Variants in MSRA observed in about 807,000 individuals in gnomAD.
The protein encoded by MSRA is mitochondrial peptide methionine sulfoxide reductase.
In MSRA, 54 loss-of-function variants were observed where a neutral mutation model predicts 31.3. The observed-to-expected ratio is 1.73, with a 90% confidence interval of 1.39 to 2.17. MSRA has a LOEUF of 2.17. Ranked by LOEUF, MSRA falls within the 30% of genes most tolerant of loss-of-function variation. MSRA has a pLI of 0.00. For synonymous variants in MSRA, 169 were observed against 116.5 expected (o/e 1.45, Z -2.90); for missense variants, 507 against 300.9 (o/e 1.69, Z -5.07).
At chr8:10,109,337 CTTTTCT>C (rs1290862174) in intron 1 of MSRA, among the ~76,000 whole-genome samples, 2 of 148,882 alleles carry the variant, frequency 1.3e-5, no homozygotes, top group African/African-American at 5.1e-5. Context: ...CTTTTCTTTT[CTTTTCT>C]TTTTTTTTTT....
chr8:10,131,523 G>T (rs1043156081), intron 1 of MSRA, among the ~76,000 whole-genome samples: 1 of 152,220 alleles, frequency 6.6e-6, no homozygotes, highest in Non-Finnish European at 1.5e-5. Context: ...TAGCAGGTTC[G>T]TAGGTGTACA....
In MSRA at chr8:10,054,666, C is replaced by G. The variant is rs559735710; in HGVS notation, c.142+8C>G. ...AACAGACCCCTGTAGCGGGTAAGCA[C>G]TGGCCACACGGAAGGCGCGGGCGGC... On this transcript the variant is annotated splice_region_variant and intron_variant, in intron 1 of 5. Transcript: ENST00000317173. 1 of 1,522,668 alleles carries G rather than the reference C, an allele frequency of 6.6e-7. No homozygotes were observed. Among genetic ancestry groups the G allele is most frequent in the Admixed American group, 2.0e-5 (1 of 49,190 alleles). 94.3% of individuals were successfully genotyped at this position (1,522,668 alleles called of 1,614,324 possible). A position where few individuals can be genotyped will look rare whatever the true frequency, so the allele number is the denominator to read the frequency against.
intron 1 of MSRA, among the ~76,000 whole-genome samples, chr8:10,178,488 A>G (rs1415004470): frequency 2.0e-5 from 3 of 152,186 alleles, no homozygotes; most frequent in Admixed American, 6.5e-5. Flanking sequence ...AAAGTAATTG[A>G]AAAAAACTGC....
At chr8:10,145,478 G>A (rs1051437740) in intron 1 of MSRA, among the ~76,000 whole-genome samples, 7 of 152,144 alleles carry the variant, frequency 4.6e-5, no homozygotes, top group African/African-American at 1.7e-4. Context: ...TTTTTAGGTT[G>A]CTTGCCGCCT....
chr8:10,195,871 T>C (rs987264065), intron 1 of MSRA, among the ~76,000 whole-genome samples: 1 of 152,202 alleles, frequency 6.6e-6, no homozygotes. Flanking sequence ...CACGAACGAA[T>C]AGCAGCCAGA....
At chr8:10,341,356 G>C (rs1048501349) in intron 5 of MSRA, among the ~76,000 whole-genome samples, 2 of 152,080 alleles carry the variant, frequency 1.3e-5, no homozygotes, top group African/African-American at 4.8e-5. Flanking sequence ...GAGAGAGTTG[G>C]GGGGAGGTGC....
intron 5 of MSRA, among the ~76,000 whole-genome samples, chr8:10,427,558 C>T (rs138626877): frequency 1.0e-3 from 156 of 152,286 alleles, no homozygotes; most frequent in Non-Finnish European, 1.8e-3. Context: ...CAGGACGTGC[C>T]AGCAGGGTCC....
At chr8:10,212,144 G>A (rs947613234) in intron 2 of MSRA, among the ~76,000 whole-genome samples, 18 of 151,478 alleles carry the variant, frequency 1.2e-4, no homozygotes, top group Non-Finnish European at 1.5e-4. Context: ...CCGAGATCGC[G>A]CCACTGCACT....
intron 3 of MSRA, 147 bp downstream of exon 3, chr8:10,245,370 C>G (rs974193044): frequency 1.3e-6 from 1 of 746,414 alleles, no homozygotes; most frequent in Non-Finnish European, 2.1e-6. Flanking sequence ...TACTTGTGAG[C>G]TTCTCACTTT....
intron 5 of MSRA, among the ~76,000 whole-genome samples, chr8:10,371,082 C>T (rs1274119059): frequency 6.6e-6 from 1 of 152,192 alleles, no homozygotes; most frequent in African/African-American, 2.4e-5. Flanking sequence ...ACCCACTGCA[C>T]CCCTGCCGCA....
At chr8:10,252,552 C>G (rs1201661520) in intron 3 of MSRA, among the ~76,000 whole-genome samples, 2 of 152,178 alleles carry the variant, frequency 1.3e-5, no homozygotes, top group Non-Finnish European at 2.9e-5. Flanking sequence ...GAGCCCAGGA[C>G]TTAGGACTAA....
chr8:10,218,575 A>C (rs1044642967), intron 2 of MSRA, among the ~76,000 whole-genome samples: 4 of 152,192 alleles, frequency 2.6e-5, no homozygotes, highest in Non-Finnish European at 5.9e-5. Context: ...TATTTCTATA[A>C]ATAGAGACTT....
chr8:10,324,275 G>C (rs1244038417), intron 5 of MSRA, among the ~76,000 whole-genome samples: 1 of 152,164 alleles, frequency 6.6e-6, no homozygotes, highest in Non-Finnish European at 1.5e-5. Context: ...ACATGTGGCT[G>C]GTGGCTACCA....
chr8:10,351,452 C>G (rs968087251), intron 5 of MSRA, among the ~76,000 whole-genome samples: 2 of 151,998 alleles, frequency 1.3e-5, no homozygotes, highest in Admixed American at 6.6e-5. Flanking sequence ...TGGGGTTTCA[C>G]CATGTTGACC....
intron 2 of MSRA, among the ~76,000 whole-genome samples, chr8:10,227,418 C>G (rs931816102): frequency 6.6e-6 from 1 of 152,088 alleles, no homozygotes; most frequent in Non-Finnish European, 1.5e-5. Context: ...GTAATTTGAG[C>G]TTTGACTGAA....
chr8:10,409,333 C>G (rs1260476757), intron 5 of MSRA, among the ~76,000 whole-genome samples: 2 of 152,252 alleles, frequency 1.3e-5, no homozygotes, highest in Non-Finnish European at 1.5e-5. Context: ...ATGATGAGCA[C>G]TTTTTCATAT....
rs533963811 is a variant in MSRA, at chr8:10,413,513, A to C, written c.544-14635A>C. ...TTTTCAAGAAAAAAATATGTAACAA[A>C]GAAACATGACGGTATCCGTTACTAA... is the stretch of plus-strand genomic sequence containing the variant. On this transcript the variant is annotated intron_variant, in intron 5 of 5. Coordinates refer to ENST00000317173, the MANE Select transcript of MSRA (RefSeq NM_012331.5). Among the ~76,000 whole-genome samples the C allele has an allele frequency of 2.6e-5, 4 of 152,374 alleles. No individual in the cohort carries two copies. In the South Asian group the frequency reaches 8.3e-4, roughly 32 times the overall value.
intron 1 of MSRA, among the ~76,000 whole-genome samples, chr8:10,096,833 T>C (rs1232909671): frequency 1.3e-5 from 2 of 152,208 alleles, no homozygotes; most frequent in African/African-American, 2.4e-5. Flanking sequence ...TGGATCACCC[T>C]GATTGTAAGT....
chr8:10,257,668 G>A (rs1798254596), intron 3 of MSRA, among the ~76,000 whole-genome samples: 1 of 152,004 alleles, frequency 6.6e-6, no homozygotes, highest in Non-Finnish European at 1.5e-5. Context: ...TTCAATTAAC[G>A]GCACCTCAAT....
Sources: allele counts gnomAD v4.1 joint callset (sites outside exome capture counted in the v4.1 genomes callset), GRCh38; gene constraint gnomAD v4.1.1; transcripts MANE v1.5; gene names NCBI Gene and HGNC (gene_info 2026-07-23, HGNC 2026-07-21).